Variants in PTPRT observed in about 807,000 individuals in gnomAD.
PTPRT encodes the protein receptor-type tyrosine-protein phosphatase T.
Under a neutral mutation model 176.8 loss-of-function variants are expected in PTPRT, and 56 were observed. The observed-to-expected ratio is 0.32, with a 90% CI of 0.26 to 0.40. The LOEUF (loss-of-function observed/expected upper bound fraction) is 0.40, where lower values mean the gene tolerates loss of function less well. PTPRT is among the 10% of genes least tolerant of loss of function. PTPRT has a pLI of 1.00. For synonymous variants in PTPRT, 783 were observed against 739.0 expected, an observed-to-expected ratio of 1.06 and a Z score of -0.96; for missense variants, 1,540 against 1,908.2, an observed-to-expected ratio of 0.81 and a Z score of 3.60.
intron 9 of PTPRT, among the ~76,000 whole-genome samples, chr20:42,379,139 TACC>T (rs990023116): frequency 6.6e-6 from 1 of 152,224 alleles, no homozygotes; most frequent in African/African-American, 2.4e-5. Context: ...GTCTTATGCC[TACC>T]ACTCCCTCCC....
At chr20:42,637,064 C>A (rs2074619026) in intron 7 of PTPRT, among the ~76,000 whole-genome samples, 6 of 152,146 alleles carry the variant, frequency 3.9e-5, no homozygotes, top group Admixed American at 3.9e-4. Flanking sequence ...GTCTATCATG[C>A]ATCAGCATCA....
At chr20:42,427,764 C>T (rs1466100528) in intron 9 of PTPRT, among the ~76,000 whole-genome samples, 1 of 152,164 alleles carries the variant, frequency 6.6e-6, no homozygotes, top group Non-Finnish European at 1.5e-5. Context: ...GAAGTAAAAA[C>T]AGCCTTAACT....
intron 6 of PTPRT, among the ~76,000 whole-genome samples, chr20:42,735,860 G>C (rs62205399): frequency 0.09 from 13,720 of 151,998 alleles, 781 homozygotes; most frequent in South Asian, 0.21. Context: ...GCAGCCACTC[G>C]GCCCTCAACT....
chr20:43,026,567 C>A (rs985603081), intron 1 of PTPRT, among the ~76,000 whole-genome samples: 2 of 152,120 alleles, frequency 1.3e-5, no homozygotes, highest in African/African-American at 4.8e-5. Context: ...GTATCTACTG[C>A]CTCAAGCATT....
At chr20:42,825,157 A>G (rs572644318) in intron 2 of PTPRT, among the ~76,000 whole-genome samples, 1 of 152,234 alleles carries the variant, frequency 6.6e-6, no homozygotes, top group South Asian at 2.1e-4. Context: ...GATAATACGT[A>G]TCACATTATC....
At chr20:42,153,806 G>A (rs1989234603) in intron 17 of PTPRT, among the ~76,000 whole-genome samples, 1 of 152,204 alleles carries the variant, frequency 6.6e-6, no homozygotes, top group Non-Finnish European at 1.5e-5. Flanking sequence ...CTACAGTGAA[G>A]AGGCAGACTG....
At chr20:43,111,073 A>G (rs1297516195) in intron 1 of PTPRT, among the ~76,000 whole-genome samples, 1 of 152,212 alleles carries the variant, frequency 6.6e-6, no homozygotes, top group Non-Finnish European at 1.5e-5. Context: ...GGGAAAGGAA[A>G]CATGAGTTAT....
chr20:42,176,520 A>T (rs1990298433), intron 16 of PTPRT, among the ~76,000 whole-genome samples: 1 of 152,126 alleles, frequency 6.6e-6, no homozygotes, highest in African/African-American at 2.4e-5. Context: ...TGCACTGAAA[A>T]CAACTGGCCC....
intron 7 of PTPRT, among the ~76,000 whole-genome samples, chr20:42,570,655 T>C (rs890031080): frequency 6.6e-6 from 1 of 152,144 alleles, no homozygotes; most frequent in African/African-American, 2.4e-5. Context: ...ACCTATCTCA[T>C]TGGTTTCTAA....
chr20:42,968,599 G>C (rs1214168490), intron 1 of PTPRT: 1 of 152,234 alleles, frequency 6.6e-6, no homozygotes, highest in Non-Finnish European at 1.5e-5. Flanking sequence ...GAAGGCAAAT[G>C]CATCATAACA....
At chr20:42,055,903 G>C in the PTPRT span, among the ~76,000 whole-genome samples, 1 of 152,182 alleles carries the variant, frequency 6.6e-6, no homozygotes, top group South Asian at 2.1e-4. Flanking sequence ...AGCTGATGGG[G>C]GTCGACTCCT....
chr20:42,285,360 A>G (rs1188846445), intron 12 of PTPRT, among the ~76,000 whole-genome samples: 1 of 152,042 alleles, frequency 6.6e-6, no homozygotes, highest in Non-Finnish European at 1.5e-5. Context: ...AGATTTTGAA[A>G]GTAATATATT....
chr20:42,952,586 T>C (rs1981322499), intron 1 of PTPRT, among the ~76,000 whole-genome samples: 1 of 152,234 alleles, frequency 6.6e-6, no homozygotes, highest in Admixed American at 6.5e-5. Flanking sequence ...TCTAGGCTTA[T>C]GATAACTAAG....
chr20:42,136,316 C>T (rs186123449), intron 18 of PTPRT, among the ~76,000 whole-genome samples: 1 of 130,158 alleles, frequency 7.7e-6, no homozygotes, highest in East Asian at 2.5e-4. Context: ...CCATTTCCTA[C>T]AAGTATTGGA....
In PTPRT at chr20:43,189,596, G is replaced by A. The variant is rs2015487607; in HGVS notation, c.88+50C>T. ...GGGCCCCGCGGCTGGGGGCCCGCGC[G>A]CATCCAGGAGGGAGCGGGGAGCCCA... On this transcript the variant is annotated intron_variant, in intron 1 of 30. Transcript: ENST00000373187. The surrounding 1 kb of genome is among the most constrained non-coding windows in gnomAD (Gnocchi z 5.0). The A allele has an allele frequency of 8.6e-7, 1 of 1,156,842 alleles. No homozygotes were observed. Among genetic ancestry groups the A allele is most frequent in the Non-Finnish European group, 1.1e-6 (1 of 924,406 alleles). 71.7% of individuals were successfully genotyped at this position (1,156,842 alleles called of 1,614,324 possible).
chr20:42,698,168 G>C (rs1189362305), intron 6 of PTPRT, among the ~76,000 whole-genome samples: 1 of 152,152 alleles, frequency 6.6e-6, no homozygotes, highest in Admixed American at 6.5e-5. Flanking sequence ...AACCCAACAA[G>C]GTTTCCCAAC....
intron 6 of PTPRT, among the ~76,000 whole-genome samples, chr20:42,704,881 C>T (rs2076028385): frequency 1.3e-5 from 2 of 152,104 alleles, no homozygotes. Context: ...TGTTGTCATA[C>T]TTCAAATCAT....
chr20:42,194,714 T>C (rs966576724), intron 16 of PTPRT, among the ~76,000 whole-genome samples: 7 of 152,208 alleles, frequency 4.6e-5, no homozygotes, highest in African/African-American at 9.6e-5. Flanking sequence ...TTTCTCTAAA[T>C]GGAAAACAAT....
chr20:42,438,991 C>A (rs1457093909), intron 9 of PTPRT, among the ~76,000 whole-genome samples: 1 of 152,212 alleles, frequency 6.6e-6, no homozygotes, highest in African/African-American at 2.4e-5. Flanking sequence ...AATGCAACTT[C>A]TTTTCCTTCC....
Sources: gnomAD v4.1 joint callset for allele counts (sites outside exome capture counted in the v4.1 genomes callset) on GRCh38, gnomAD v4.1.1 for gene constraint, Gnocchi (gnomAD v3.1) non-coding constraint, MANE v1.5 for transcripts, NCBI Gene and HGNC (gene_info 2026-07-23, HGNC 2026-07-21) for gene names.